The following CXCL17 variants were observed in gnomAD, a reference collection of about 807,000 sequenced individuals.
The protein encoded by CXCL17 is C-X-C motif chemokine 17.
In CXCL17, 9 loss-of-function variants were observed where a neutral mutation model predicts 15.5. The ratio of observed to expected loss-of-function variants is 0.58; its 90% CI spans 0.35 to 1.01. The LOEUF (loss-of-function observed/expected upper bound fraction) is 1.01. Ranked by LOEUF, CXCL17 falls within the 50% of genes least tolerant of loss-of-function variation. The pLI, the probability that CXCL17 is intolerant of heterozygous loss-of-function variation, is 0.02. For synonymous variants in CXCL17, 52 were observed against 52.3 expected (o/e 0.99, Z 0.02); for missense variants, 133 against 138.2 (o/e 0.96, Z 0.19).
intron 3 of CXCL17, among the ~76,000 whole-genome samples, chr19:42,430,684 A>G (rs2040770775): frequency 6.6e-6 from 1 of 151,498 alleles, no homozygotes; most frequent in Non-Finnish European, 1.5e-5. Flanking sequence ...TCCCCCTCAC[A>G]GTGATAATCT....
chr19:42,429,974 C>T (rs1277595941), intron 3 of CXCL17, among the ~76,000 whole-genome samples: 1 of 152,064 alleles, frequency 6.6e-6, no homozygotes, highest in African/African-American at 2.4e-5. Flanking sequence ...TAAAGACCAG[C>T]CTGAGCAACA....
intron 1 of CXCL17, among the ~76,000 whole-genome samples, chr19:42,434,830 C>A (rs1314378486): frequency 6.6e-6 from 1 of 152,110 alleles, no homozygotes; most frequent in Non-Finnish European, 1.5e-5. Context: ...TGGCCTTTAT[C>A]CGAGCCTGTT....
chr19:42,429,527 C>G (rs1267086249), intron 3 of CXCL17, among the ~76,000 whole-genome samples: 1 of 152,020 alleles, frequency 6.6e-6, no homozygotes, highest in African/African-American at 2.4e-5. Context: ...GGGGTTTCAC[C>G]ATGTTGGCCA....
intron 1 of CXCL17, among the ~76,000 whole-genome samples, chr19:42,437,752 A>C (rs2040847593): frequency 6.6e-6 from 1 of 152,148 alleles, no homozygotes; most frequent in Non-Finnish European, 1.5e-5. Flanking sequence ...TAAAGAAGTT[A>C]CTTCCACTTG....
At chr19:42,439,978 T>G (rs1257782917) in intron 1 of CXCL17, among the ~76,000 whole-genome samples, 1 of 152,210 alleles carries the variant, frequency 6.6e-6, no homozygotes, top group Non-Finnish European at 1.5e-5. Context: ...CTCCTGGTTT[T>G]GATAATTGTA....
chr19:42,430,643 G>A (rs1333098013), intron 3 of CXCL17, among the ~76,000 whole-genome samples: 5 of 150,192 alleles, frequency 3.3e-5, no homozygotes, highest in African/African-American at 9.8e-5. Flanking sequence ...ATTGCCAACA[G>A]CACCCCTCCT....
chr19:42,435,006 C>T (rs112978896), intron 1 of CXCL17, among the ~76,000 whole-genome samples: 16,643 of 151,194 alleles, frequency 0.11, 1,020 homozygotes, highest in Middle Eastern at 0.2. Flanking sequence ...GGTGAAACCC[C>T]GTCTCTACTA....
chr19:42,433,083 A>G lies in CXCL17; in HGVS notation c.161-6T>C. 1.9e-6 allele frequency: 3 copies of G among 1,602,608 alleles called. No individual in the cohort carries two copies. The highest frequency in any genetic ancestry group is 1.1e-5 in the South Asian group (1 of 90,770). ...CGGGGCTCTCAGGAACCAATCTGGA[A>G]CAACAGCATTGCTGCTTAGATGGGA... On this transcript the variant is annotated splice_polypyrimidine_tract_variant and splice_region_variant and intron_variant, in intron 2 of 3. Coordinates refer to ENST00000601181, the MANE Select transcript of CXCL17 (RefSeq NM_198477.3).
intron 1 of CXCL17, among the ~76,000 whole-genome samples, chr19:42,437,188 C>T (rs907737508): frequency 5.3e-5 from 8 of 152,162 alleles, no homozygotes; most frequent in African/African-American, 7.2e-5. Context: ...CCGCTCCCCT[C>T]GGCCTCCCAA....
intron 1 of CXCL17, 74 bp downstream of exon 1, chr19:42,442,680 C>A: frequency 9.5e-7 from 1 of 1,049,852 alleles, no homozygotes; most frequent in South Asian, 1.3e-5. Context: ...AGAGAAGCTG[C>A]ATTTTGATGT....
Position 42,433,814 on chromosome 19 carries a change from C to G in CXCL17, c.122G>C (p.Arg41Thr), listed in dbSNP as rs577754784. The change falls in exon 2 of 4, where the codon AGA (arginine) becomes ACA (threonine). Residue 41 changes from arginine (R) to threonine (T), a missense_variant. Physicochemically the swap from Arg to Thr is moderately conservative, Grantham distance 71. Transcript: ENST00000601181. Reference protein sequence around the residue: ...GHRDRGQASRRWLQEGGQECE... With the variant: ...GHRDRGQASRTWLQEGGQECE... ...TTCTTGGCCGCCTTCCTGGAGCCATCTCCTAGAAGCCTGGCCTCGGTCCCT... is the reference window on the plus strand; with the variant it reads ...TTCTTGGCCGCCTTCCTGGAGCCATGTCCTAGAAGCCTGGCCTCGGTCCCT... 6.2e-7 allele frequency: 1 copy of G among 1,614,122 alleles called. No homozygotes were observed. Among genetic ancestry groups the G allele is most frequent in the Admixed American group, 1.7e-5 (1 of 60,026 alleles).
chr19:42,433,399 T>C (rs1379262650), intron 2 of CXCL17, among the ~76,000 whole-genome samples: 2 of 152,180 alleles, frequency 1.3e-5, no homozygotes, highest in Non-Finnish European at 2.9e-5. Context: ...TACTTTCCCT[T>C]GGGGAAGCCA....
At chr19:42,438,241 C>G (rs2040851624) in intron 1 of CXCL17, among the ~76,000 whole-genome samples, 2 of 148,582 alleles carry the variant, frequency 1.3e-5, no homozygotes. Context: ...GCCTTTAGTC[C>G]CAGCTACTCG....
intron 3 of CXCL17, among the ~76,000 whole-genome samples, chr19:42,430,440 C>G (rs1467510775): frequency 6.6e-6 from 1 of 151,662 alleles, no homozygotes; most frequent in African/African-American, 2.4e-5. Context: ...ACTAAAAATA[C>G]AAAATTAGCT....
intron 3 of CXCL17, among the ~76,000 whole-genome samples, chr19:42,432,018 TA>T: frequency 6.6e-6 from 1 of 152,312 alleles, no homozygotes; most frequent in East Asian, 1.9e-4. Context: ...AAAGTTATTA[TA>T]CTCATTTACA....
chr19:42,438,381 A>AAAAAATATATATATAT (rs1555793041), intron 1 of CXCL17, among the ~76,000 whole-genome samples: 1 of 63,858 alleles, frequency 1.6e-5, no homozygotes, highest in Non-Finnish European at 2.6e-5. Context: ...AAAAAAAAAA[A>AAAAAATATATATATAT]ATATATATAT....
In CXCL17 at chr19:42,438,410, TACACACACAC is replaced by T. The variant is rs145217809; in HGVS notation, c.79+4334_79+4343del. Among the ~76,000 whole-genome samples the T allele has an allele frequency of 5.6e-3, 505 of 90,018 alleles. 22 individuals carry two copies. The East Asian group carries it at 0.14, about 24-fold the overall frequency. The allele number at this position is 90,018 out of a possible 152,430, so 59.1% of individuals were successfully genotyped here. On this transcript the variant is annotated intron_variant, in intron 1 of 3. Transcript: ENST00000601181. The stretch of plus-strand genomic sequence containing the variant: ...TATATATATATATATATATATAAAA[TACACACACAC>T]ACACACACACACACACATATATACT...
intron 1 of CXCL17, among the ~76,000 whole-genome samples, chr19:42,434,737 C>G (rs1484528851): frequency 1.3e-5 from 2 of 152,116 alleles, no homozygotes; most frequent in Non-Finnish European, 2.9e-5. Context: ...CCCCAAGTAG[C>G]TGTATTTGAA....
rs753450434 is a variant in CXCL17, at chr19:42,433,040, T to A, written c.198A>T (p.Thr66=). The A allele has an allele frequency of 6.2e-7, 1 of 1,614,006 alleles. No homozygotes were observed. The highest frequency in any genetic ancestry group is 8.5e-7 in the Non-Finnish European group (1 of 1,179,956). ...ACTGCTTCTTTGGCAGCCCAGACAC[T>A]GTCATGAATTTTCTTCTCGGGGCTC... ...FLRAPRRKFM[T]VSGLPKKQCP... Residue 66 remains threonine (T), a synonymous_variant, in exon 3 of 4, where the codon ACA becomes ACT. Transcript: ENST00000601181.
Sources: allele counts gnomAD v4.1 joint callset (sites outside exome capture counted in the v4.1 genomes callset), GRCh38; gene constraint gnomAD v4.1.1; transcripts MANE v1.5; gene names NCBI Gene and HGNC (gene_info 2026-07-23, HGNC 2026-07-21).